Variants in DAB1 observed in about 807,000 individuals in gnomAD.
DAB1 encodes the protein DAB adaptor protein 1, also known as disabled homolog 1.
DAB1 carries 15 observed loss-of-function variants against 64.6 expected under a neutral mutation model. That is an observed-to-expected ratio of 0.23 (90% CI 0.16 to 0.36). The LOEUF (loss-of-function observed/expected upper bound fraction) is 0.36, where lower values mean the gene tolerates loss of function less well. DAB1 is among the 10% of genes least tolerant of loss of function. DAB1 has a pLI of 1.00. For synonymous variants in DAB1, 235 were observed against 251.9 expected (o/e 0.93, Z 0.64); for missense variants, 596 against 706.7 (o/e 0.84, Z 1.78).
chr1:57,172,072 A>G lies in DAB1; in HGVS notation c.68-26643T>C, dbSNP rs184548112. On this transcript the variant is annotated intron_variant, in intron 2 of 14. Coordinates refer to ENST00000371236, the MANE Select transcript of DAB1 (RefSeq NM_001365792.1). Reference sequence around the variant, plus strand: ...GCAATCTTGGCATCTTCTGGCTTGTAGACACATTATCCTGATCTCTGCTAT... The same window carrying G: ...GCAATCTTGGCATCTTCTGGCTTGTGGACACATTATCCTGATCTCTGCTAT... Among the ~76,000 whole-genome samples the G allele has an allele frequency of 2.0e-5, 3 of 152,220 alleles. No homozygotes were observed. In the East Asian group the frequency reaches 5.8e-4, roughly 29 times the overall value.
chr1:58,527,447 C>A (rs1050688658), intron 1 of DAB1: 2 of 644,740 alleles, frequency 3.1e-6, no homozygotes, highest in Non-Finnish European at 5.6e-6. Context: ...GATAAAATTC[C>A]TATACTGTCT....
chr1:57,258,802 G>A (rs1195848743), intron 2 of DAB1, among the ~76,000 whole-genome samples: 1 of 152,072 alleles, frequency 6.6e-6, no homozygotes, highest in African/African-American at 2.4e-5. Flanking sequence ...GGGAAGGTGG[G>A]AGGTGGGGGT....
intron 6 of DAB1, among the ~76,000 whole-genome samples, chr1:57,774,430 A>G (rs1358767651): frequency 6.6e-6 from 1 of 151,782 alleles, no homozygotes; most frequent in Non-Finnish European, 1.5e-5. Flanking sequence ...TTTACATTCC[A>G]AATTTATTTT....
At chr1:57,559,719 C>G (rs545995640) in intron 7 of DAB1, among the ~76,000 whole-genome samples, 1 of 152,318 alleles carries the variant, frequency 6.6e-6, no homozygotes, top group African/African-American at 2.4e-5. Flanking sequence ...CACAGACTCA[C>G]TTAGCAGCTG....
intron 6 of DAB1, among the ~76,000 whole-genome samples, chr1:57,809,131 C>G (rs1426468578): frequency 6.6e-6 from 1 of 152,140 alleles, no homozygotes; most frequent in Non-Finnish European, 1.5e-5. Context: ...CATATAGATA[C>G]ATGACCATTT....
chr1:57,816,999 A>G (rs1651886012), intron 6 of DAB1, among the ~76,000 whole-genome samples: 1 of 152,148 alleles, frequency 6.6e-6, no homozygotes, highest in South Asian at 2.1e-4. Context: ...TCATAATTCT[A>G]TTATGCCCTT....
At chr1:58,215,155 T>C (rs1400464640) in intron 4 of DAB1, among the ~76,000 whole-genome samples, 1 of 152,168 alleles carries the variant, frequency 6.6e-6, no homozygotes, top group East Asian at 1.9e-4. Flanking sequence ...ACTGGTTCTC[T>C]AGGCTATAAT....
At chr1:57,510,208 C>A (rs758335035) in intron 7 of DAB1, among the ~76,000 whole-genome samples, 1 of 152,196 alleles carries the variant, frequency 6.6e-6, no homozygotes, top group Non-Finnish European at 1.5e-5. Flanking sequence ...CCCAAGGACA[C>A]CAGTGCCTTC....
chr1:58,402,843 T>C (rs1249363241), intron 3 of DAB1, among the ~76,000 whole-genome samples: 2 of 152,214 alleles, frequency 1.3e-5, no homozygotes, highest in Non-Finnish European at 2.9e-5. Flanking sequence ...GAAATAATTA[T>C]GGTTGCCATA....
At chr1:58,350,174 A>G (rs181270597) in intron 3 of DAB1, among the ~76,000 whole-genome samples, 1 of 152,280 alleles carries the variant, frequency 6.6e-6, no homozygotes, top group East Asian at 1.9e-4. Flanking sequence ...ATGGTATCTC[A>G]TTGTGGTTTT....
At chr1:57,270,197 A>G (rs916738811) in intron 2 of DAB1, among the ~76,000 whole-genome samples, 3 of 152,184 alleles carry the variant, frequency 2.0e-5, no homozygotes, top group African/African-American at 7.2e-5. Flanking sequence ...CAAGTCTTCT[A>G]CTAATAGTGA....
At chr1:57,309,882 C>T (rs977014184) in intron 1 of DAB1, among the ~76,000 whole-genome samples, 1 of 152,158 alleles carries the variant, frequency 6.6e-6, no homozygotes, top group East Asian at 1.9e-4. Context: ...TTTCAGTGAT[C>T]ACAAGAGAAG....
intron 6 of DAB1, among the ~76,000 whole-genome samples, chr1:57,805,220 A>G (rs370321757): frequency 6.6e-6 from 1 of 152,190 alleles, no homozygotes; most frequent in African/African-American, 2.4e-5. Flanking sequence ...AGAAGCTATT[A>G]TATCTGTCCG....
intron 5 of DAB1, among the ~76,000 whole-genome samples, chr1:57,997,991 A>G (rs962239166): frequency 6.6e-6 from 1 of 152,128 alleles, no homozygotes; most frequent in Non-Finnish European, 1.5e-5. Flanking sequence ...TAGTATCTTT[A>G]GAAAACCTCT....
chr1:58,407,906 C>T (rs1446513678), intron 3 of DAB1, among the ~76,000 whole-genome samples: 1 of 152,164 alleles, frequency 6.6e-6, no homozygotes, highest in Admixed American at 6.5e-5. Context: ...CTCCTTACTG[C>T]ATCTTACAAA....
At chr1:58,099,645 A>G (rs1651192724) in intron 5 of DAB1, among the ~76,000 whole-genome samples, 1 of 152,228 alleles carries the variant, frequency 6.6e-6, no homozygotes, top group Non-Finnish European at 1.5e-5. Context: ...CTGGGCTGGC[A>G]CCACAGGCTA....
At chr1:58,440,600 G>A (rs1300489749) in intron 3 of DAB1, among the ~76,000 whole-genome samples, 1 of 152,214 alleles carries the variant, frequency 6.6e-6, no homozygotes, top group East Asian at 1.9e-4. Context: ...TATAATGGTA[G>A]TAATAGTATG....
At chr1:57,154,329 A>AT (rs1339511678) in intron 2 of DAB1, among the ~76,000 whole-genome samples, 7 of 152,298 alleles carry the variant, frequency 4.6e-5, no homozygotes, top group African/African-American at 1.4e-4. Context: ...ACTTAACCTA[A>AT]TGATCTCCAG....
intron 1 of DAB1, among the ~76,000 whole-genome samples, chr1:57,832,562 C>G (rs1339438285): frequency 2.0e-5 from 3 of 152,204 alleles, no homozygotes; most frequent in African/African-American, 4.8e-5. Flanking sequence ...GCCTTGCTGA[C>G]AGAGGACTGT....
Sources: gnomAD v4.1 joint callset for allele counts (sites outside exome capture counted in the v4.1 genomes callset) on GRCh38, gnomAD v4.1.1 for gene constraint, MANE v1.5 for transcripts, NCBI Gene and HGNC (gene_info 2026-07-23, HGNC 2026-07-21) for gene names.